Variants in ATAD2B observed in about 807,000 individuals in gnomAD.
The protein encoded by ATAD2B is ATPase family AAA domain-containing protein 2B.
In ATAD2B, 40 loss-of-function variants were observed where a neutral mutation model predicts 167.6. That is an observed-to-expected ratio of 0.24 (90% confidence interval 0.19 to 0.31). The LOEUF is 0.31. ATAD2B is among the 10% of genes least tolerant of loss of function. ATAD2B has a pLI of 1.00. For synonymous variants in ATAD2B, 579 were observed against 596.5 expected, an observed-to-expected ratio of 0.97 and a Z score of 0.43; for missense variants, 1,242 against 1,757.2, an observed-to-expected ratio of 0.71 and a Z score of 5.24.
intron 6 of ATAD2B, 87 bp downstream of exon 6, chr2:23,884,678 G>T: frequency 1.5e-6 from 1 of 660,196 alleles, no homozygotes; most frequent in Non-Finnish European, 2.4e-6. Flanking sequence ...CAACTACTCA[G>T]CAACATTCTA....
chr2:23,882,041 T>G (rs968952326), intron 6 of ATAD2B, among the ~76,000 whole-genome samples: 1 of 62,690 alleles, frequency 1.6e-5, no homozygotes, highest in Non-Finnish European at 3.7e-5. Flanking sequence ...GATTTGGCAA[T>G]AGCTATAACA....
intron 24 of ATAD2B, among the ~76,000 whole-genome samples, chr2:23,759,025 T>C (rs1484979878): frequency 6.6e-6 from 1 of 152,158 alleles, no homozygotes; most frequent in Admixed American, 6.6e-5. Flanking sequence ...CATTGTCCCT[T>C]AAATAAACAA....
At chr2:23,785,137 C>G (rs142014879) in intron 21 of ATAD2B, among the ~76,000 whole-genome samples, 62 of 152,130 alleles carry the variant, frequency 4.1e-4, no homozygotes, top group African/African-American at 1.5e-3. Flanking sequence ...CTCATTCTTC[C>G]TAGTAACAGA....
intron 27 of ATAD2B, among the ~76,000 whole-genome samples, chr2:23,753,194 A>T (rs1282590869): frequency 6.6e-6 from 1 of 152,160 alleles, no homozygotes; most frequent in African/African-American, 2.4e-5. Context: ...AAGTTCTTCC[A>T]TGTGGCCAAC....
At chr2:23,891,020 ATT>A (rs34109939) in intron 2 of ATAD2B, among the ~76,000 whole-genome samples, 261 of 136,928 alleles carry the variant, frequency 1.9e-3, no homozygotes, top group East Asian at 9.7e-3. Flanking sequence ...ATATACTGAG[ATT>A]TTTTTTTTTT....
At chr2:23,825,437 C>A (rs1688104796) in intron 15 of ATAD2B, among the ~76,000 whole-genome samples, 1 of 152,134 alleles carries the variant, frequency 6.6e-6, no homozygotes, top group Non-Finnish European at 1.5e-5. Flanking sequence ...ACAAATAATT[C>A]TTCAGATAAC....
At chr2:23,687,220 C>A in the ATAD2B span, among the ~76,000 whole-genome samples, 4 of 147,168 alleles carry the variant, frequency 2.7e-5, no homozygotes, top group African/African-American at 7.5e-5. Flanking sequence ...CTGGTGTAGA[C>A]CTCCGTGGGG....
At chr2:23,907,409 G>C (rs565781346) in intron 1 of ATAD2B, among the ~76,000 whole-genome samples, 3 of 151,934 alleles carry the variant, frequency 2.0e-5, no homozygotes, top group South Asian at 4.2e-4. Context: ...TCCAACTTAC[G>C]AGGGATGTGA....
At chr2:23,719,548 G>C in the ATAD2B span, among the ~76,000 whole-genome samples, 1 of 152,098 alleles carries the variant, frequency 6.6e-6, no homozygotes, top group Non-Finnish European at 1.5e-5. Flanking sequence ...AAATGAGACA[G>C]TTCTCAGGAT....
At chr2:23,921,544 T>C (rs916431078) in intron 1 of ATAD2B, among the ~76,000 whole-genome samples, 1 of 152,206 alleles carries the variant, frequency 6.6e-6, no homozygotes, top group African/African-American at 2.4e-5. Context: ...AAAAGACTCC[T>C]TGACAGGGAA....
intron 3 of ATAD2B, 65 bp downstream of exon 3, chr2:23,888,285 C>T (rs1698984120): frequency 8.6e-7 from 1 of 1,166,018 alleles, no homozygotes. Context: ...TTTTTCCCCA[C>T]TTTACTGCTT....
chr2:23,778,003 A>G (rs1679424930), intron 22 of ATAD2B, among the ~76,000 whole-genome samples: 1 of 152,196 alleles, frequency 6.6e-6, no homozygotes, highest in Non-Finnish European at 1.5e-5. Context: ...AAAAGAGAAC[A>G]CTGTAAGCTT....
chr2:23,701,887 G>A, the ATAD2B span, among the ~76,000 whole-genome samples: 1 of 136,656 alleles, frequency 7.3e-6, no homozygotes, highest in South Asian at 2.3e-4. Context: ...CGCAGCCTCT[G>A]CCTCCCAGGT....
chr2:23,770,623 C>A (rs1001373498), intron 22 of ATAD2B, among the ~76,000 whole-genome samples: 1 of 152,164 alleles, frequency 6.6e-6, no homozygotes, highest in Non-Finnish European at 1.5e-5. Flanking sequence ...ATTGAACTGA[C>A]TTTACATCTT....
intron 18 of ATAD2B, among the ~76,000 whole-genome samples, chr2:23,808,014 A>ATAAT (rs59987814): frequency 0.15 from 15,196 of 103,412 alleles, 1,036 homozygotes; most frequent in Middle Eastern, 0.25. Context: ...ATTTATATAT[A>ATAAT]TTATTTATTT....
At chr2:23,682,334 T>G in the ATAD2B span, among the ~76,000 whole-genome samples, 2 of 152,248 alleles carry the variant, frequency 1.3e-5, no homozygotes, top group Middle Eastern at 6.8e-3. The surrounding 1 kb of genome is among the most constrained non-coding windows in gnomAD (Gnocchi z 4.1). Context: ...GCTCTGAGGA[T>G]GTGGGTCCCC....
chr2:23,745,942 A>T (rs1247619329), downstream of ATAD2B, among the ~76,000 whole-genome samples: 1 of 152,232 alleles, frequency 6.6e-6, no homozygotes, highest in Non-Finnish European at 1.5e-5. Context: ...AATCTGTGAA[A>T]CAGATGTTGA....
rs539760250 is a variant in ATAD2B, at chr2:23,866,330, G to A, written c.1189-1406C>T. The stretch of plus-strand genomic sequence containing the variant: ...TGAGGCAGGAGAATCGCTTGAACCC[G>A]GGAGGCGGAGGTTGCGGTAAGCTGA... On this transcript the variant is annotated intron_variant, in intron 10 of 27. Coordinates refer to ENST00000238789, the MANE Select transcript of ATAD2B (RefSeq NM_017552.4). Among the ~76,000 whole-genome samples the A allele has an allele frequency of 3.9e-5, 6 of 152,274 alleles. No individual in the cohort carries two copies. In the South Asian group the frequency reaches 1.0e-3, roughly 26 times the overall value.
chr2:23,790,520 T>C (rs1283621423), intron 19 of ATAD2B, among the ~76,000 whole-genome samples: 2 of 152,180 alleles, frequency 1.3e-5, no homozygotes, highest in Non-Finnish European at 2.9e-5. Flanking sequence ...AGGCCTACAA[T>C]AATCCATGGA....
Sources: gnomAD v4.1 joint callset for allele counts (sites outside exome capture counted in the v4.1 genomes callset) on GRCh38, gnomAD v4.1.1 for gene constraint, Gnocchi (gnomAD v3.1) non-coding constraint, MANE v1.5 for transcripts, NCBI Gene and HGNC (gene_info 2026-07-23, HGNC 2026-07-21) for gene names.